Variants in GCNT1 observed in about 807,000 individuals in gnomAD.
The protein encoded by GCNT1 is glucosaminyl (N-acetyl) transferase 1, also known as beta-1,3-galactosyl-O-glycosyl-glycoprotein beta-1,6-N-acetylglucosaminyltransferase.
In GCNT1, 16 loss-of-function variants were observed where a neutral mutation model predicts 26.2. The ratio of observed to expected loss-of-function variants is 0.61; its 90% CI spans 0.41 to 0.93. The LOEUF (loss-of-function observed/expected upper bound fraction) is 0.93, where lower values mean the gene tolerates loss of function less well. GCNT1 is among the 40% of genes least tolerant of loss of function. The probability of loss-of-function intolerance (pLI) is 0.00; values close to 1 mark genes in which losing one functional copy is unlikely to be tolerated. For synonymous variants in GCNT1, 183 were observed against 190.8 expected, an observed-to-expected ratio of 0.96 and a Z score of 0.34; for missense variants, 477 against 526.7, an observed-to-expected ratio of 0.91 and a Z score of 0.92.
rs186643516 is a variant in GCNT1, at chr9:76,435,462, T to G, written n.38+15575T>G. On this transcript the variant is annotated intron_variant and non_coding_transcript_variant, in intron 1 of 3. Coordinates refer to the GCNT1 transcript ENST00000488136. Reference sequence around the variant, plus strand: ...ACTACCATAACAAGTTACCACAGACTCTGTGGCTAAAACAACAGAATTTAT... The same window carrying G: ...ACTACCATAACAAGTTACCACAGACGCTGTGGCTAAAACAACAGAATTTAT... Among the ~76,000 whole-genome samples the G allele has an allele frequency of 3.1e-3, 475 of 152,286 alleles. 1 individual carries two copies. Among genetic ancestry groups the G allele is most frequent in the Middle Eastern group, 0.017 (5 of 294 alleles).
At chr9:76,483,527 A>G (rs1824481109) in intron 2 of GCNT1, among the ~76,000 whole-genome samples, 1 of 152,106 alleles carries the variant, frequency 6.6e-6, no homozygotes, top group East Asian at 1.9e-4. Flanking sequence ...TGATCCTCCC[A>G]TCTCAGCCTT....
In GCNT1 at chr9:76,491,818, G is replaced by T. The variant is rs572806936; in HGVS notation, c.-289-9098G>T. On this transcript the variant is annotated intron_variant, in intron 2 of 3. Coordinates refer to ENST00000376730, the MANE Select transcript of GCNT1 (RefSeq NM_001490.5). ...AGTGGCAGGGTTGAGGGCTGCACAC[G>T]TGCATATTTGAAGCACCGGTCCCTC... Among the ~76,000 whole-genome samples the T allele has an allele frequency of 3.9e-5, 6 of 152,294 alleles. No homozygotes were observed. The South Asian group carries it at 1.0e-3, about 26-fold the overall frequency.
chr9:76,426,366 A>C (rs896033686), intron 1 of GCNT1, among the ~76,000 whole-genome samples: 6 of 152,224 alleles, frequency 3.9e-5, no homozygotes, highest in South Asian at 2.1e-4. Context: ...CCAGCAGTTC[A>C]AGACCATCCT....
chr9:76,413,670 T>TTTG, the GCNT1 span, among the ~76,000 whole-genome samples: 724 of 116,902 alleles, frequency 6.2e-3, 2 homozygotes, highest in Admixed American at 7.7e-3. Flanking sequence ...TTTTTTTTGT[T>TTTG]TTTTTTTTTT....
intron 2 of GCNT1, among the ~76,000 whole-genome samples, chr9:76,460,730 T>C (rs955354323): frequency 5.3e-5 from 8 of 149,536 alleles, no homozygotes; most frequent in African/African-American, 2.0e-4. Flanking sequence ...TAAAATACAA[T>C]ATACCAAACT....
At chr9:76,394,609 A>G in the GCNT1 span, 1 of 151,592 alleles carries the variant, frequency 6.6e-6, no homozygotes, top group South Asian at 2.0e-4. Flanking sequence ...CTCCCGCTGC[A>G]GGCTCCCGCC....
At chr9:76,480,422 A>T (rs1199500503) in intron 2 of GCNT1, among the ~76,000 whole-genome samples, 1 of 152,180 alleles carries the variant, frequency 6.6e-6, no homozygotes, top group African/African-American at 2.4e-5. Context: ...TGGGAATGGC[A>T]TTGAATCTAT....
the GCNT1 span, among the ~76,000 whole-genome samples, chr9:76,408,749 A>T: frequency 0.034 from 5,114 of 152,110 alleles, 102 homozygotes; most frequent in Non-Finnish European, 0.048. Context: ...GTAGAGTGGC[A>T]CAATCTTGGC....
the GCNT1 span, among the ~76,000 whole-genome samples, chr9:76,413,749 T>C: frequency 3.3e-5 from 5 of 151,492 alleles, no homozygotes; most frequent in African/African-American, 9.7e-5. Context: ...TGACATTAAT[T>C]TGTGGAAAGT....
chr9:76,417,216 C>T (rs1358495436), upstream of GCNT1, among the ~76,000 whole-genome samples: 1 of 152,202 alleles, frequency 6.6e-6, no homozygotes, highest in African/African-American at 2.4e-5. Flanking sequence ...AATCCTACCT[C>T]AGTGCCTTCT....
At chr9:76,491,464 TG>T (rs1484812662) in intron 2 of GCNT1, among the ~76,000 whole-genome samples, 1 of 152,206 alleles carries the variant, frequency 6.6e-6, no homozygotes, top group Non-Finnish European at 1.5e-5. Context: ...AGCATGGGCA[TG>T]TAGGATTAGA....
intron 2 of GCNT1, among the ~76,000 whole-genome samples, chr9:76,485,674 C>T (rs1208823067): frequency 6.6e-6 from 1 of 152,018 alleles, no homozygotes; most frequent in Non-Finnish European, 1.5e-5. Context: ...TCTTTGTAAT[C>T]CTAGGATTTC....
chr9:76,487,345 A>G (rs1029820706), intron 2 of GCNT1, among the ~76,000 whole-genome samples: 14 of 152,252 alleles, frequency 9.2e-5, no homozygotes, highest in African/African-American at 3.4e-4. Context: ...CTCCAGTCAC[A>G]GCAGCCTCTG....
At chr9:76,469,044 C>A (rs73449883) in intron 2 of GCNT1, among the ~76,000 whole-genome samples, 14,928 of 152,058 alleles carry the variant, frequency 0.098, 1,158 homozygotes, top group African/African-American at 0.22. Context: ...TTTGATTAGT[C>A]TTTACAATTG....
intron 1 of GCNT1, among the ~76,000 whole-genome samples, chr9:76,435,329 AC>A (rs1225702756): frequency 6.6e-6 from 1 of 152,018 alleles, no homozygotes; most frequent in Non-Finnish European, 1.5e-5. Flanking sequence ...TATTTCTCAG[AC>A]TGGCCAGCAA....
intron 2 of GCNT1, among the ~76,000 whole-genome samples, chr9:76,496,553 C>T (rs951152476): frequency 2.0e-5 from 3 of 151,994 alleles, no homozygotes; most frequent in South Asian, 2.1e-4. Context: ...AAGCACTCAG[C>T]GGCACCCTGT....
intron 2 of GCNT1, among the ~76,000 whole-genome samples, chr9:76,489,585 T>A (rs1824672747): frequency 6.6e-6 from 1 of 152,182 alleles, no homozygotes; most frequent in Admixed American, 6.5e-5. Flanking sequence ...TTTTACACAG[T>A]GCTGATTGGT....
chr9:76,483,520 T>G (rs1354887862), intron 2 of GCNT1, among the ~76,000 whole-genome samples: 1 of 152,096 alleles, frequency 6.6e-6, no homozygotes, highest in Non-Finnish European at 1.5e-5. Flanking sequence ...GCTCAAGTGA[T>G]CCTCCCATCT....
chr9:76,413,224 A>G, the GCNT1 span, among the ~76,000 whole-genome samples: 1 of 152,238 alleles, frequency 6.6e-6, no homozygotes. Context: ...AAGAATGGCT[A>G]TCTTGGTAGA....
Sources: gnomAD v4.1 joint callset for allele counts (sites outside exome capture counted in the v4.1 genomes callset) on GRCh38, gnomAD v4.1.1 for gene constraint, MANE v1.5 for transcripts, NCBI Gene and HGNC (gene_info 2026-07-23, HGNC 2026-07-21) for gene names.